The following ADAMTSL1 variants were observed in gnomAD, a reference collection of about 807,000 sequenced individuals.
ADAMTSL1 encodes ADAMTS-like protein 1.
A neutral mutation model predicts 201.8 loss-of-function variants in ADAMTSL1; 126 were observed. That is an observed-to-expected ratio of 0.62 (90% confidence interval 0.54 to 0.72). The LOEUF is 0.72. ADAMTSL1 is among the 30% of genes least tolerant of loss of function. The pLI is 0.00. For synonymous variants in ADAMTSL1, 1,121 were observed against 903.4 expected (o/e 1.24, Z -4.32); for missense variants, 2,679 against 2,277.8 (o/e 1.18, Z -3.59).
At chr9:17,977,020 G>T (rs546831782) in intron 1 of ADAMTSL1, among the ~76,000 whole-genome samples, 1 of 152,042 alleles carries the variant, frequency 6.6e-6, no homozygotes, top group East Asian at 1.9e-4. Context: ...CTAATTTGTT[G>T]AGAGTTTTTA....
At chr9:18,620,490 T>C (rs1013382313) in intron 4 of ADAMTSL1, among the ~76,000 whole-genome samples, 10 of 152,336 alleles carry the variant, frequency 6.6e-5, no homozygotes, top group African/African-American at 2.4e-4. Flanking sequence ...TGTAATCCTA[T>C]TTCACACTGT....
chr9:18,818,684 G>A (rs1824013951), intron 21 of ADAMTSL1, among the ~76,000 whole-genome samples: 1 of 152,100 alleles, frequency 6.6e-6, no homozygotes, highest in Admixed American at 6.6e-5. Context: ...TCTCAGCTGA[G>A]GGAGGCTGAG....
chr9:18,461,419 C>T (rs1239487352), intron 2 of ADAMTSL1, among the ~76,000 whole-genome samples: 1 of 151,950 alleles, frequency 6.6e-6, no homozygotes, highest in Admixed American at 6.6e-5. Context: ...AATATATATA[C>T]ATTATTGAAT....
chr9:18,098,629 G>A (rs1824357247), intron 1 of ADAMTSL1, among the ~76,000 whole-genome samples: 1 of 152,220 alleles, frequency 6.6e-6, no homozygotes, highest in South Asian at 2.1e-4. Flanking sequence ...AGATCCTTGA[G>A]TGTTATCTGC....
At chr9:18,204,407 T>C (rs1251597533) in intron 2 of ADAMTSL1, among the ~76,000 whole-genome samples, 2 of 151,930 alleles carry the variant, frequency 1.3e-5, no homozygotes, top group East Asian at 1.9e-4. Flanking sequence ...CCACCATGAT[T>C]GTAAGTTTCT....
At chr9:18,844,872 G>GT (rs1167547129) in intron 23 of ADAMTSL1, among the ~76,000 whole-genome samples, 2 of 152,196 alleles carry the variant, frequency 1.3e-5, no homozygotes, top group African/African-American at 4.8e-5. Flanking sequence ...CTGGTGTGCC[G>GT]TTTTTTAAGC....
intron 20 of ADAMTSL1, among the ~76,000 whole-genome samples, chr9:18,807,430 G>A (rs913018698): frequency 2.0e-5 from 3 of 152,134 alleles, no homozygotes; most frequent in African/African-American, 7.2e-5. Flanking sequence ...GGATCACGAG[G>A]TCAGGAGATC....
At chr9:18,801,769 T>G (rs3891552) in intron 20 of ADAMTSL1, among the ~76,000 whole-genome samples, 30,774 of 152,112 alleles carry the variant, frequency 0.2, 3,374 homozygotes, top group Non-Finnish European at 0.22. Flanking sequence ...AGTCTGTCAT[T>G]GATTGGCATT....
intron 1 of ADAMTSL1, among the ~76,000 whole-genome samples, chr9:18,118,828 G>A (rs909025381): frequency 2.0e-5 from 3 of 152,218 alleles, no homozygotes; most frequent in African/African-American, 7.2e-5. Flanking sequence ...TGAAGGTAGC[G>A]CTATCCCTAA....
chr9:18,224,143 T>G (rs1294368634), intron 2 of ADAMTSL1, among the ~76,000 whole-genome samples: 1 of 152,120 alleles, frequency 6.6e-6, no homozygotes, highest in Non-Finnish European at 1.5e-5. Context: ...TTGGGCATGG[T>G]CTTGGTCCCT....
chr9:18,110,473 G>T (rs1203091069), intron 1 of ADAMTSL1, among the ~76,000 whole-genome samples: 2 of 152,160 alleles, frequency 1.3e-5, no homozygotes, highest in Non-Finnish European at 2.9e-5. Flanking sequence ...AAAGCCCTAA[G>T]ATAACTTCTT....
At chr9:18,182,172 A>G (rs1198888703) in intron 2 of ADAMTSL1, among the ~76,000 whole-genome samples, 1 of 151,298 alleles carries the variant, frequency 6.6e-6, no homozygotes, top group Non-Finnish European at 1.5e-5. Flanking sequence ...TAGCATTGGG[A>G]GATATACGTA....
At chr9:18,616,189 C>T (rs1278553387) in intron 4 of ADAMTSL1, among the ~76,000 whole-genome samples, 1 of 152,138 alleles carries the variant, frequency 6.6e-6, no homozygotes, top group African/African-American at 2.4e-5. Flanking sequence ...CCACACTGGG[C>T]TAATTTTATA....
intron 14 of ADAMTSL1, among the ~76,000 whole-genome samples, chr9:18,711,221 A>G (rs533690524): frequency 6.6e-6 from 1 of 152,366 alleles, no homozygotes; most frequent in South Asian, 2.1e-4. Context: ...GAAACATATA[A>G]TAAGAAATTT....
At chr9:18,373,625 G>A (rs185530422) in intron 2 of ADAMTSL1, among the ~76,000 whole-genome samples, 134 of 111,160 alleles carry the variant, frequency 1.2e-3, no homozygotes, top group African/African-American at 4.2e-3. Context: ...ACCCAACGGA[G>A]ATTTTGGAGA....
At chr9:18,485,340 A>T (rs892820732) in intron 1 of ADAMTSL1, among the ~76,000 whole-genome samples, 1 of 152,180 alleles carries the variant, frequency 6.6e-6, no homozygotes, top group Admixed American at 6.5e-5. Context: ...TGGAAAGCTA[A>T]CCAATGTCCT....
chr9:17,912,678 C>A (rs12378414), intron 1 of ADAMTSL1, among the ~76,000 whole-genome samples: 1 of 59,754 alleles, frequency 1.7e-5, no homozygotes, highest in African/African-American at 3.1e-5. Flanking sequence ...TGTGCAGAAG[C>A]TCTTTAGTTT....
At chr9:18,009,673 G>T (rs10810882) in intron 1 of ADAMTSL1, among the ~76,000 whole-genome samples, 57,234 of 151,866 alleles carry the variant, frequency 0.38, 11,258 homozygotes, top group Non-Finnish European at 0.44. Context: ...AGGAATTTTG[G>T]ATATTCCAGT....
intron 1 of ADAMTSL1, among the ~76,000 whole-genome samples, chr9:17,969,108 T>G (rs1818100823): frequency 6.6e-6 from 1 of 152,074 alleles, no homozygotes; most frequent in Non-Finnish European, 1.5e-5. Context: ...TTGCTATATG[T>G]GTATACATTG....
Sources: allele counts gnomAD v4.1 joint callset (sites outside exome capture counted in the v4.1 genomes callset), GRCh38; gene constraint gnomAD v4.1.1; transcripts MANE v1.5; gene names NCBI Gene and HGNC (gene_info 2026-07-23, HGNC 2026-07-21).